Variants in ZBTB20 observed in about 807,000 individuals in gnomAD.
ZBTB20 encodes the protein zinc finger and BTB domain-containing protein 20.
In ZBTB20, 9 loss-of-function variants were observed where a neutral mutation model predicts 56.9. The ratio of observed to expected loss-of-function variants is 0.16; its 90% CI spans 0.10 to 0.28. ZBTB20 has a LOEUF of 0.28. ZBTB20 is among the 10% of genes least tolerant of loss of function. The probability of loss-of-function intolerance (pLI) is 1.00; values close to 1 mark genes in which losing one functional copy is unlikely to be tolerated. For synonymous variants in ZBTB20, 417 were observed against 420.7 expected (o/e 0.99, Z 0.11); for missense variants, 655 against 1,003.0 (o/e 0.65, Z 4.69).
intron 7 of ZBTB20, among the ~76,000 whole-genome samples, chr3:114,489,275 AC>A (rs1449548953): frequency 6.6e-6 from 1 of 152,184 alleles, no homozygotes; most frequent in East Asian, 1.9e-4. Flanking sequence ...GCAATTACTA[AC>A]TAGCTCTCTT....
At chr3:114,656,938 G>A (rs908122402) in intron 6 of ZBTB20, among the ~76,000 whole-genome samples, 1 of 151,958 alleles carries the variant, frequency 6.6e-6, no homozygotes, top group Admixed American at 6.6e-5. Context: ...CTACCGCACC[G>A]GGCCTGAAAA....
intron 2 of ZBTB20, among the ~76,000 whole-genome samples, chr3:115,023,690 G>C (rs1000879123): frequency 2.7e-5 from 4 of 150,546 alleles, no homozygotes; most frequent in Admixed American, 2.0e-4. Context: ...TTAATTCCTT[G>C]TAATCTGTCC....
At chr3:114,368,069 C>T (rs924731711) in intron 10 of ZBTB20, among the ~76,000 whole-genome samples, 2 of 152,204 alleles carry the variant, frequency 1.3e-5, no homozygotes, top group Non-Finnish European at 2.9e-5. Context: ...GTAGCCGACA[C>T]TCAAATTCAC....
At chr3:114,428,984 T>C (rs985290511) in intron 7 of ZBTB20, among the ~76,000 whole-genome samples, 8 of 151,604 alleles carry the variant, frequency 5.3e-5, no homozygotes, top group African/African-American at 7.3e-5. Context: ...ATTTAAACAA[T>C]TATACATATA....
At chr3:115,051,853 C>G (rs2081562983) in intron 2 of ZBTB20, among the ~76,000 whole-genome samples, 1 of 152,046 alleles carries the variant, frequency 6.6e-6, no homozygotes, top group South Asian at 2.1e-4. Context: ...CCTGGGGGGC[C>G]TCAGAAAACT....
intron 2 of ZBTB20, among the ~76,000 whole-genome samples, chr3:114,978,556 AATG>A (rs762603329): frequency 5.3e-5 from 8 of 151,568 alleles, no homozygotes; most frequent in Non-Finnish European, 1.0e-4. Flanking sequence ...AAATGGTAAT[AATG>A]ATAACATACC....
intron 11 of ZBTB20, among the ~76,000 whole-genome samples, chr3:114,341,367 C>T (rs2079749478): frequency 1.3e-5 from 2 of 151,978 alleles, no homozygotes; most frequent in Non-Finnish European, 2.9e-5. Context: ...GTCAGCTGGT[C>T]TTTGCTATCC....
intron 6 of ZBTB20, among the ~76,000 whole-genome samples, chr3:114,648,878 T>A (rs896226120): frequency 6.6e-6 from 1 of 152,040 alleles, no homozygotes; most frequent in African/African-American, 2.4e-5. Flanking sequence ...CAAATATTAT[T>A]TATTCTAGCT....
intron 7 of ZBTB20, among the ~76,000 whole-genome samples, chr3:114,498,925 A>G (rs779172015): frequency 2.0e-5 from 3 of 152,200 alleles, no homozygotes; most frequent in Non-Finnish European, 4.4e-5. Context: ...TGCGGGCAGG[A>G]GTGCACTGTG....
At position 114,978,944 on chromosome 3, in the gene ZBTB20, C is replaced by CT. The variant is rs745929657; in HGVS notation, c.-506-4529dup. On this transcript the variant is annotated intron_variant, in intron 2 of 11. Transcript: ENST00000675478. ...AAGAAAGACATTTGAAAATGTCTAT[C>CT]TGTCATTTTTGGTGAAACCTTTTTA... Among the ~76,000 whole-genome samples, 14 of 151,444 alleles carry CT rather than the reference C, an allele frequency of 9.2e-5. No homozygotes were observed. In the East Asian group the frequency reaches 2.5e-3, roughly 27 times the overall value.
chr3:114,817,226 CACACAT>C (rs1373665489), intron 4 of ZBTB20, among the ~76,000 whole-genome samples: 5 of 147,320 alleles, frequency 3.4e-5, no homozygotes, highest in Non-Finnish European at 6.0e-5. Flanking sequence ...CACACACACA[CACACAT>C]AATAAATTGG....
intron 6 of ZBTB20, among the ~76,000 whole-genome samples, chr3:114,580,122 C>T (rs896515452): frequency 6.6e-6 from 1 of 151,458 alleles, no homozygotes; most frequent in African/African-American, 2.4e-5. Flanking sequence ...TACTACATGT[C>T]AGTAAATTAA....
chr3:114,999,313 G>A (rs2079156078), intron 2 of ZBTB20, among the ~76,000 whole-genome samples: 1 of 146,038 alleles, frequency 6.8e-6, no homozygotes, highest in African/African-American at 2.5e-5. Flanking sequence ...GAAAGGGGGA[G>A]GGAAATTTTC....
At chr3:114,551,117 T>G (rs2050520461) in intron 6 of ZBTB20, among the ~76,000 whole-genome samples, 1 of 152,178 alleles carries the variant, frequency 6.6e-6, no homozygotes, top group Admixed American at 6.5e-5. Context: ...CTCACAAGGA[T>G]TAAAAATTAT....
chr3:114,539,852 T>C (rs2048909585), intron 6 of ZBTB20, among the ~76,000 whole-genome samples: 4 of 151,984 alleles, frequency 2.6e-5, no homozygotes, highest in Admixed American at 2.6e-4. Context: ...CAAGTCTCTC[T>C]TGTGCTATAA....
intron 3 of ZBTB20, among the ~76,000 whole-genome samples, chr3:114,956,933 C>T (rs1333468217): frequency 2.0e-5 from 3 of 152,146 alleles, no homozygotes; most frequent in African/African-American, 7.2e-5. Flanking sequence ...GTTCCAGCAA[C>T]ATAGAGGCAG....
intron 6 of ZBTB20, among the ~76,000 whole-genome samples, chr3:114,574,098 T>C (rs1226996791): frequency 6.6e-6 from 1 of 152,212 alleles, no homozygotes; most frequent in Non-Finnish European, 1.5e-5. Flanking sequence ...TAATAAAATA[T>C]TGTTTAAAAT....
chr3:114,839,468 A>AAAGAAAGG (rs60992965), intron 4 of ZBTB20, among the ~76,000 whole-genome samples: 1 of 150,444 alleles, frequency 6.6e-6, no homozygotes, highest in African/African-American at 2.5e-5. Context: ...AGAAAGAAAG[A>AAAGAAAGG]GAGAGAGAAA....
At chr3:114,879,581 C>T (rs1486169579) in intron 4 of ZBTB20, among the ~76,000 whole-genome samples, 1 of 152,084 alleles carries the variant, frequency 6.6e-6, no homozygotes, top group Non-Finnish European at 1.5e-5. Context: ...ATGAGACTAC[C>T]GCCTCCTGAG....
Sources: allele counts gnomAD v4.1 joint callset (sites outside exome capture counted in the v4.1 genomes callset), GRCh38; gene constraint gnomAD v4.1.1; transcripts MANE v1.5; gene names NCBI Gene and HGNC (gene_info 2026-07-23, HGNC 2026-07-21).